The following PLPPR5 variants were observed in gnomAD, a reference collection of about 807,000 sequenced individuals.
PLPPR5 encodes the protein phospholipid phosphatase related 5.
A neutral mutation model predicts 33.9 loss-of-function variants in PLPPR5; 16 were observed. The observed-to-expected ratio is 0.47, with a 90% confidence interval of 0.32 to 0.72. PLPPR5 has a LOEUF of 0.72. PLPPR5 is among the 30% of genes least tolerant of loss of function. The pLI is 0.03. For synonymous variants in PLPPR5, 163 were observed against 150.3 expected, an observed-to-expected ratio of 1.08 and a Z score of -0.62; for missense variants, 301 against 406.7, an observed-to-expected ratio of 0.74 and a Z score of 2.23.
At chr1:98,895,607 T>C (rs1392084653) in intron 5 of PLPPR5, among the ~76,000 whole-genome samples, 2 of 152,008 alleles carry the variant, frequency 1.3e-5, no homozygotes, top group Non-Finnish European at 2.9e-5. Context: ...TGCAAAAATA[T>C]CACCAAGTTA....
chr1:99,001,773 T>C (rs528481577), intron 1 of PLPPR5, among the ~76,000 whole-genome samples: 1 of 148,350 alleles, frequency 6.7e-6, no homozygotes, highest in South Asian at 2.1e-4. Flanking sequence ...AGAAGAACGA[T>C]TCATGAGCGA....
At chr1:98,902,928 T>C (rs1405893440) in intron 5 of PLPPR5, among the ~76,000 whole-genome samples, 1 of 152,118 alleles carries the variant, frequency 6.6e-6, no homozygotes, top group African/African-American at 2.4e-5. Context: ...GTTAGATAAC[T>C]GAAGGGAAAA....
At position 98,918,676 on chromosome 1, in the gene PLPPR5, T is replaced by G. The variant is rs142829967; in HGVS notation, c.798+3206A>C. 3.9e-5 allele frequency among the ~76,000 whole-genome samples: 6 copies of G among 152,242 alleles called. No homozygotes were observed. In the East Asian group the frequency reaches 1.2e-3, roughly 29 times the overall value. On this transcript the variant is annotated intron_variant, in intron 4 of 5. Coordinates refer to ENST00000263177, the MANE Select transcript of PLPPR5 (RefSeq NM_001037317.2). ...CAATCAGGGAAACTTCCTGGGGAAA[T>G]TGGATCTTGTCTGAGCCAAATCTCA...
intron 5 of PLPPR5, among the ~76,000 whole-genome samples, chr1:98,898,344 T>C (rs1222809330): frequency 1.3e-5 from 2 of 152,172 alleles, no homozygotes; most frequent in Non-Finnish European, 2.9e-5. Context: ...AATTCTGACA[T>C]AGCCTACATT....
rs1214746632 is a variant in PLPPR5, at chr1:98,953,177, T to C, written c.514A>G (p.Ser172Gly). The change falls in exon 3 of 6, where the codon AGT (serine) becomes GGT (glycine). Residue 172 changes from serine to glycine, a missense_variant. Transcript: ENST00000263177. The part of the protein sequence containing the change: ...LGCQQYTQFI[S>G]GEEACTGNPD... ...TTGCCAGTACAGGCCTCTTCCCCAC[T>C]GATGAATTGTGTATACTGCTGACAT... is the stretch of plus-strand genomic sequence containing the variant. The C allele has an allele frequency of 1.2e-6, 2 of 1,614,036 alleles. No individual in the cohort carries two copies. Among genetic ancestry groups the C allele is most frequent in the Non-Finnish European group, 8.5e-7 (1 of 1,180,024 alleles).
At chr1:98,988,513 T>C (rs975538310) in intron 1 of PLPPR5, among the ~76,000 whole-genome samples, 6 of 152,076 alleles carry the variant, frequency 3.9e-5, no homozygotes, top group Admixed American at 3.3e-4. Flanking sequence ...TCCTCCAATA[T>C]TGGGCTACAA....
chr1:98,936,728 G>T (rs1385552622), intron 3 of PLPPR5, among the ~76,000 whole-genome samples: 1 of 152,198 alleles, frequency 6.6e-6, no homozygotes, highest in East Asian at 1.9e-4. Flanking sequence ...TAAGGAATTA[G>T]ACCTATTTAT....
intron 3 of PLPPR5, among the ~76,000 whole-genome samples, chr1:98,927,019 A>G (rs7533945): frequency 0.17 from 26,320 of 152,092 alleles, 2,536 homozygotes; most frequent in Non-Finnish European, 0.22. Context: ...AAGACCATGG[A>G]CTTTGCCAGA....
At chr1:98,997,715 G>A (rs1039226145) in intron 1 of PLPPR5, among the ~76,000 whole-genome samples, 3 of 152,314 alleles carry the variant, frequency 2.0e-5, no homozygotes, top group African/African-American at 7.2e-5. Flanking sequence ...TGGCAAAGTA[G>A]TGCTGCAAGC....
In PLPPR5 at chr1:98,896,675, T is replaced by A. The variant is rs1421141664; in HGVS notation, c.934-3571A>T. Reference sequence around the variant, plus strand: ...TGAGTCTGGTCCTTGAGTGCAGGGGTCACAAGAGAAAGCAAACACGTTTCT... The same window carrying A: ...TGAGTCTGGTCCTTGAGTGCAGGGGACACAAGAGAAAGCAAACACGTTTCT... On this transcript the variant is annotated intron_variant, in intron 5 of 5. Coordinates refer to ENST00000263177, the MANE Select transcript of PLPPR5 (RefSeq NM_001037317.2). 2.6e-5 allele frequency among the ~76,000 whole-genome samples: 4 copies of A among 152,094 alleles called. No homozygotes were observed. In the East Asian group the frequency reaches 5.8e-4, roughly 22 times the overall value.
chr1:98,943,266 C>T (rs1650444237), intron 3 of PLPPR5, among the ~76,000 whole-genome samples: 1 of 152,034 alleles, frequency 6.6e-6, no homozygotes, highest in African/African-American at 2.4e-5. Context: ...GCATCAGGTC[C>T]CCAGAGGGAA....
At chr1:98,942,541 G>C (rs1305140514) in intron 3 of PLPPR5, among the ~76,000 whole-genome samples, 1 of 152,168 alleles carries the variant, frequency 6.6e-6, no homozygotes, top group African/African-American at 2.4e-5. Flanking sequence ...TCTATTTCAA[G>C]AAATACTGTG....
chr1:98,907,361 C>T (rs1228432942), intron 5 of PLPPR5, among the ~76,000 whole-genome samples: 1 of 151,900 alleles, frequency 6.6e-6, no homozygotes, highest in Non-Finnish European at 1.5e-5. Context: ...GCCACCATGC[C>T]CAGCTGATTT....
At chr1:98,981,209 G>A (rs538129689) in intron 1 of PLPPR5, among the ~76,000 whole-genome samples, 2 of 152,224 alleles carry the variant, frequency 1.3e-5, no homozygotes, top group East Asian at 3.9e-4. Context: ...TAAAGAAAGT[G>A]AGGGTAAGAT....
intron 5 of PLPPR5, among the ~76,000 whole-genome samples, chr1:98,897,245 G>A (rs771906914): frequency 2.0e-5 from 3 of 151,850 alleles, no homozygotes; most frequent in African/African-American, 4.8e-5. Context: ...GCGCTCCAGC[G>A]CACATACGTT....
intron 1 of PLPPR5, among the ~76,000 whole-genome samples, chr1:98,961,367 C>A (rs1325507105): frequency 6.6e-6 from 1 of 152,132 alleles, no homozygotes; most frequent in African/African-American, 2.4e-5. Context: ...AGGAGGTAAC[C>A]TTTTTCCTAT....
chr1:98,973,338 C>T (rs1029818036), intron 1 of PLPPR5, among the ~76,000 whole-genome samples: 3 of 125,672 alleles, frequency 2.4e-5, no homozygotes, highest in Non-Finnish European at 5.6e-5. Context: ...AAGAGAATAC[C>T]GTAAATGTAG....
At position 98,892,582 on chromosome 1, in the gene PLPPR5, T is replaced by A. The variant is rs1380196067; in HGVS notation, c.*490A>T. ...ACACACTGAAATGTTAGAATGGAAA[T>A]AATGTCATGCTGAATAACAAAATAA... On this transcript the variant is annotated 3_prime_UTR_variant, in exon 6 of 6. Coordinates refer to ENST00000263177, the MANE Select transcript of PLPPR5 (RefSeq NM_001037317.2). 6.5e-6 allele frequency: 1 copy of A among 152,912 alleles called. No individual in the cohort carries two copies. Among genetic ancestry groups the A allele is most frequent in the South Asian group, 2.1e-4 (1 of 4,862 alleles). The allele number at this position is 152,912 out of a possible 1,614,324, so 9.5% of individuals were successfully genotyped here.
chr1:98,984,779 C>A (rs1414368639), intron 1 of PLPPR5, among the ~76,000 whole-genome samples: 1 of 151,880 alleles, frequency 6.6e-6, no homozygotes, highest in Non-Finnish European at 1.5e-5. Context: ...TCAGGTAGAG[C>A]AGGTTTCCTT....
Sources: gnomAD v4.1 joint callset for allele counts (sites outside exome capture counted in the v4.1 genomes callset) on GRCh38, gnomAD v4.1.1 for gene constraint, MANE v1.5 for transcripts, NCBI Gene and HGNC (gene_info 2026-07-23, HGNC 2026-07-21) for gene names.